The following FSTL4 variants were observed in gnomAD, a reference collection of about 807,000 sequenced individuals.
FSTL4 encodes follistatin like 4, also known as follistatin-related protein 4.
Under a neutral mutation model 78.2 loss-of-function variants are expected in FSTL4, and 28 were observed. That is an observed-to-expected ratio of 0.36 (90% CI 0.27 to 0.49). The LOEUF (loss-of-function observed/expected upper bound fraction) is 0.49. FSTL4 is among the 20% of genes least tolerant of loss of function. The pLI is 0.98. For synonymous variants in FSTL4, 422 were observed against 440.5 expected (o/e 0.96, Z 0.53); for missense variants, 922 against 1,084.9 (o/e 0.85, Z 2.11).
chr5:133,781,396 TGTGTGTGTGTGTGTGGC>T, the FSTL4 span, among the ~76,000 whole-genome samples: 122 of 146,306 alleles, frequency 8.3e-4, no homozygotes, highest in African/African-American at 3.2e-3. Flanking sequence ...TGTGTGTGTG[TGTGTGTGTGTGTGTGGC>T]GTGTATGTGT....
At chr5:133,764,698 G>A in the FSTL4 span, among the ~76,000 whole-genome samples, 5 of 152,156 alleles carry the variant, frequency 3.3e-5, no homozygotes, top group African/African-American at 1.2e-4. Flanking sequence ...CTGGTACAAG[G>A]CCCTCTTCAG....
chr5:133,349,506 A>G (rs2126924849), intron 4 of FSTL4, among the ~76,000 whole-genome samples: 1 of 152,258 alleles, frequency 6.6e-6, no homozygotes, highest in Non-Finnish European at 1.5e-5. Flanking sequence ...TAAAGGATCC[A>G]TAGGATGGAC....
intron 4 of FSTL4, among the ~76,000 whole-genome samples, chr5:133,381,864 G>A (rs1038283778): frequency 2.0e-5 from 3 of 152,230 alleles, no homozygotes; most frequent in Admixed American, 6.5e-5. Context: ...CACGCTGGCC[G>A]GGATGCCGTG....
rs529724178 is a variant in FSTL4 at position 133,544,193 on chromosome 5, A to C, written c.160+22993T>G. ...ATTAATTAAAATTAAATTAATTCCC[A>C]AATATTAACCCAAATATTGCCACTT... On this transcript the variant is annotated intron_variant, in intron 3 of 15. Coordinates refer to ENST00000265342, the MANE Select transcript of FSTL4 (RefSeq NM_015082.2). Among the ~76,000 whole-genome samples the C allele has an allele frequency of 1.3e-3, 198 of 152,300 alleles. 1 individual carries two copies. Among genetic ancestry groups the C allele is most frequent in the African/African-American group, 4.4e-3 (184 of 41,578 alleles).
At chr5:133,619,669 C>A in the FSTL4 span, among the ~76,000 whole-genome samples, 7 of 152,156 alleles carry the variant, frequency 4.6e-5, no homozygotes, top group African/African-American at 1.7e-4. Context: ...TTAACTAAGA[C>A]CCTCCATTTC....
the FSTL4 span, among the ~76,000 whole-genome samples, chr5:133,661,783 G>A: frequency 1.3e-5 from 2 of 152,174 alleles, no homozygotes; most frequent in Non-Finnish European, 2.9e-5. Context: ...AGATAACTCT[G>A]TAATTAAGTG....
At chr5:133,240,118 G>A (rs1405353811) in intron 7 of FSTL4, among the ~76,000 whole-genome samples, 1 of 152,222 alleles carries the variant, frequency 6.6e-6, no homozygotes, top group African/African-American at 2.4e-5. Context: ...AAGGTCTGCA[G>A]CTGCACTTCT....
intron 3 of FSTL4, among the ~76,000 whole-genome samples, chr5:133,485,348 C>T (rs551000072): frequency 6.6e-6 from 1 of 152,162 alleles, no homozygotes; most frequent in African/African-American, 2.4e-5. Flanking sequence ...AGGAGGGAAC[C>T]CTTTATGGGC....
At chr5:133,730,292 T>G in the FSTL4 span, among the ~76,000 whole-genome samples, 9 of 152,184 alleles carry the variant, frequency 5.9e-5, no homozygotes, top group Admixed American at 1.3e-4. Context: ...CTCATCAAGA[T>G]TCTCTGTATT....
chr5:133,371,938 T>C lies in FSTL4; in HGVS notation c.409+28800A>G, dbSNP rs565822612. ...GCCCACTTCATCACCGGGAGGCCCA[T>C]TGCAAAGGCAGCCCCAGCTGTTGGA... On this transcript the variant is annotated intron_variant, in intron 4 of 15. Coordinates refer to ENST00000265342, the MANE Select transcript of FSTL4 (RefSeq NM_015082.2). Among the ~76,000 whole-genome samples the C allele has an allele frequency of 3.3e-5, 5 of 152,300 alleles. 1 individual carries two copies. The South Asian group carries it at 8.3e-4, about 25-fold the overall frequency.
At chr5:133,504,903 C>T (rs183769276) in intron 3 of FSTL4, among the ~76,000 whole-genome samples, 5 of 152,320 alleles carry the variant, frequency 3.3e-5, no homozygotes, top group African/African-American at 1.2e-4. Flanking sequence ...AATGCCTGCT[C>T]TCCCCCTGTG....
chr5:133,714,818 A>G, the FSTL4 span, among the ~76,000 whole-genome samples: 1 of 152,236 alleles, frequency 6.6e-6, no homozygotes, highest in Non-Finnish European at 1.5e-5. Flanking sequence ...AGTGGGCAAC[A>G]ATGGATATTC....
chr5:133,359,081 C>G (rs939052683), intron 4 of FSTL4, among the ~76,000 whole-genome samples: 1 of 152,146 alleles, frequency 6.6e-6, no homozygotes, highest in Non-Finnish European at 1.5e-5. Context: ...TGCCATTGGC[C>G]GCTCTTCTAG....
In FSTL4 at chr5:133,576,003, A is replaced by C. The variant is rs572026063; in HGVS notation, c.127-8784T>G. 3.3e-5 allele frequency among the ~76,000 whole-genome samples: 5 copies of C among 152,306 alleles called. No homozygotes were observed. In the South Asian group the frequency reaches 1.0e-3, roughly 32 times the overall value. ...TCATTGTGCCCTTCCTGAATCCGTT[A>C]TCTCTCACTATAATGTAGAAGAACT... On this transcript the variant is annotated intron_variant, in intron 2 of 15. Coordinates refer to ENST00000265342, the MANE Select transcript of FSTL4 (RefSeq NM_015082.2).
chr5:133,669,073 G>A, the FSTL4 span, among the ~76,000 whole-genome samples: 2 of 152,184 alleles, frequency 1.3e-5, no homozygotes, highest in Non-Finnish European at 2.9e-5. Flanking sequence ...GCCTCACAGA[G>A]GTAGCATAAT....
chr5:133,676,495 G>C, the FSTL4 span, among the ~76,000 whole-genome samples: 2 of 152,112 alleles, frequency 1.3e-5, no homozygotes, highest in African/African-American at 4.8e-5. Flanking sequence ...TTGAAATGTA[G>C]CTGTTCTCCT....
chr5:133,768,455 G>C, the FSTL4 span, among the ~76,000 whole-genome samples: 1 of 152,194 alleles, frequency 6.6e-6, no homozygotes, highest in Non-Finnish European at 1.5e-5. Flanking sequence ...CAGGTCCAAA[G>C]AGCCAGTGAA....
At chr5:133,488,208 G>C (rs962783078) in intron 3 of FSTL4, among the ~76,000 whole-genome samples, 6 of 152,236 alleles carry the variant, frequency 3.9e-5, no homozygotes, top group African/African-American at 1.4e-4. Flanking sequence ...GCATTGTTTA[G>C]GATTATTTTA....
the FSTL4 span, among the ~76,000 whole-genome samples, chr5:133,703,109 G>A: frequency 6.6e-6 from 1 of 152,194 alleles, no homozygotes; most frequent in Non-Finnish European, 1.5e-5. Flanking sequence ...ACTGGAGATG[G>A]ATAATATCTG....
Sources: allele counts gnomAD v4.1 joint callset (sites outside exome capture counted in the v4.1 genomes callset), GRCh38; gene constraint gnomAD v4.1.1; transcripts MANE v1.5; gene names NCBI Gene and HGNC (gene_info 2026-07-23, HGNC 2026-07-21).